Variants in AP4M1 observed in about 807,000 individuals in gnomAD.
AP4M1 encodes adaptor related protein complex 4 subunit mu 1.
Under a neutral mutation model 62.4 loss-of-function variants are expected in AP4M1, and 58 were observed. That is an observed-to-expected ratio of 0.93 (90% CI 0.75 to 1.16). AP4M1 has a LOEUF of 1.16. AP4M1 is among the 50% of genes most tolerant of loss of function. AP4M1 has a pLI of 0.00. For synonymous variants in AP4M1, 290 were observed against 239.7 expected, an observed-to-expected ratio of 1.21 and a Z score of -1.94; for missense variants, 626 against 585.4, an observed-to-expected ratio of 1.07 and a Z score of -0.72.
intron 13 of AP4M1, 50 bp downstream of exon 13, chr7:100,106,341 C>T: frequency 1.2e-5 from 20 of 1,612,866 alleles, no homozygotes; most frequent in Non-Finnish European, 1.7e-5. Flanking sequence ...AGAGTGAGCT[C>T]AGCATGACGG....
In AP4M1 at chr7:100,102,684, G is replaced by A. The variant is rs376491603; in HGVS notation, c.157G>A (p.Gly53Ser). ...CCTGCCTGTGTCTCAGCATCACCAT[G>A]GCCGTCATTTCATTCACATCAGACA... is the stretch of plus-strand genomic sequence containing the variant. ...DESPVVMHHH[G>S]RHFIHIRHSG... The change falls in exon 3 of 15, where the codon GGC becomes AGC. Residue 53 changes from glycine (G) to serine (S), a missense_variant. Transcript: ENST00000359593. 10 of 1,614,018 alleles carry A rather than the reference G, an allele frequency of 6.2e-6. No individual in the cohort carries two copies. The highest frequency in any genetic ancestry group is 1.1e-5 in the South Asian group (1 of 91,074).
rs1213373413 is a variant in AP4M1, at chr7:100,108,715, A to G, written c.*1833A>G. ...TATGCTGAACTATTAGTGTGTGTAC[A>G]GAACACTGTGGGCTTTCTCATAAGA... On this transcript the variant is annotated 3_prime_UTR_variant, in exon 15 of 15. Transcript: ENST00000359593. 4.9e-6 allele frequency: 3 copies of G among 615,326 alleles called. No homozygotes were observed. Among genetic ancestry groups the G allele is most frequent in the Non-Finnish European group, 8.2e-6 (3 of 367,158 alleles). 38.1% of individuals were successfully genotyped at this position (615,326 alleles called of 1,614,324 possible).
Position 100,101,972 on chromosome 7 carries a change from A to G in AP4M1, c.147+4A>G, listed in dbSNP as rs750933539. On this transcript the variant is annotated splice_donor_region_variant and intron_variant, in intron 2 of 14. Transcript: ENST00000359593. ...AGACGAGTCCCCGGTTGTCATGGTA[A>G]CCAGTGGCGGGAGGCGGGTGAGGAG... is the stretch of plus-strand genomic sequence containing the variant. 11 of 1,613,078 alleles carry G rather than the reference A, an allele frequency of 6.8e-6. No homozygotes were observed. In the South Asian group the frequency reaches 1.2e-4, roughly 18 times the overall value.
At position 100,107,462 on chromosome 7, in the gene AP4M1, G is replaced by A. The variant is rs1387842560; in HGVS notation, c.*580G>A. On this transcript the variant is annotated 3_prime_UTR_variant, in exon 15 of 15. Transcript: ENST00000359593. The stretch of plus-strand genomic sequence containing the variant: ...CTGTTGGGGGAAGTGAGACCACGAT[G>A]TACTTCTGGACACTCCCAGGACCAG... 1.2e-6 allele frequency: 2 copies of A among 1,613,406 alleles called. No individual in the cohort carries two copies. The highest frequency in any genetic ancestry group is 1.7e-6 in the Non-Finnish European group (2 of 1,179,528).
rs1236375940 is a variant in AP4M1, at chr7:100,108,027, T to C, written c.*1145T>C. On this transcript the variant is annotated 3_prime_UTR_variant, in exon 15 of 15. Coordinates refer to ENST00000359593, the MANE Select transcript of AP4M1 (RefSeq NM_004722.4). The stretch of plus-strand genomic sequence containing the variant: ...GCAGCCGCTCGTGCAGACACCAGTG[T>C]CTGGACAGGAAGTGCGATGGAGCCA... The C allele has an allele frequency of 6.2e-7, 1 of 1,613,796 alleles. No individual in the cohort carries two copies. The highest frequency in any genetic ancestry group is 8.5e-7 in the Non-Finnish European group (1 of 1,179,956).
In AP4M1 at chr7:100,107,250, G is replaced by A. The variant is rs774023505; in HGVS notation, c.*368G>A. ...CGGGGGCTGGCAGGTGGAGCATCACGGAGCAGGCTGAGGGGAGCCGGAGTT... is the reference window on the plus strand; with the variant it reads ...CGGGGGCTGGCAGGTGGAGCATCACAGAGCAGGCTGAGGGGAGCCGGAGTT... On this transcript the variant is annotated 3_prime_UTR_variant, in exon 15 of 15. Coordinates refer to ENST00000359593, the MANE Select transcript of AP4M1 (RefSeq NM_004722.4). The A allele has an allele frequency of 2.3e-5, 35 of 1,523,022 alleles. No individual in the cohort carries two copies. Among genetic ancestry groups the A allele is most frequent in the East Asian group, 1.4e-4 (6 of 44,242 alleles). The allele number at this position is 1,523,022 out of a possible 1,614,324, so 94.3% of individuals were successfully genotyped here. A position where few individuals can be genotyped will look rare whatever the true frequency, so the allele number is the denominator to read the frequency against.
At position 100,107,234 on chromosome 7, in the gene AP4M1, G is replaced by C; in HGVS notation, c.*352G>C. On this transcript the variant is annotated 3_prime_UTR_variant, in exon 15 of 15. Transcript: ENST00000359593. ...TGCATGTGTGGGAATCCGGGGGCTG[G>C]CAGGTGGAGCATCACGGAGCAGGCT... The C allele has an allele frequency of 6.6e-7, 1 of 1,521,184 alleles. No homozygotes were observed. The allele number at this position is 1,521,184 out of a possible 1,614,324, so 94.2% of individuals were successfully genotyped here.
At chr7:100,106,338 G>T (rs1319026514) in intron 13 of AP4M1, 47 bp downstream of exon 13, 1 of 1,613,000 alleles carries the variant, frequency 6.2e-7, no homozygotes, top group Non-Finnish European at 8.5e-7. Flanking sequence ...GAGAGAGTGA[G>T]CTCAGCATGA....
intron 4 of AP4M1, 61 bp downstream of exon 4, chr7:100,103,021 C>T (rs747014694): frequency 7.3e-5 from 90 of 1,232,234 alleles, no homozygotes; most frequent in Non-Finnish European, 9.8e-5. Context: ...TACATCTGCT[C>T]TTCTACTGTG....
chr7:100,102,561 G>A (rs1796139518), intron 2 of AP4M1, 114 bp from the exon 3 acceptor site: 2 of 865,590 alleles, frequency 2.3e-6, no homozygotes, highest in Non-Finnish European at 3.8e-6. Context: ...ATCTCCCAAA[G>A]GCACTGCTGT....
intron 8 of AP4M1, 42 bp from the exon 9 acceptor site, chr7:100,105,003 C>T: frequency 6.2e-7 from 1 of 1,614,068 alleles, no homozygotes; most frequent in Non-Finnish European, 8.5e-7. Flanking sequence ...TGTCTTAAAC[C>T]ATGGCATTGC....
At chr7:100,106,122 G>A in intron 12 of AP4M1, 119 bp downstream of exon 12, 1 of 1,545,798 alleles carries the variant, frequency 6.5e-7, no homozygotes. Flanking sequence ...TAAGGTAGAG[G>A]CTGTAGAATT....
Position 100,105,488 on chromosome 7 carries a change from C to T in AP4M1, c.878C>T (p.Pro293Leu), listed in dbSNP as rs757649099. Residue 293 changes from proline (P) to leucine (L), a missense_variant, in exon 11 of 15, where the codon CCG becomes CTG. Transcript: ENST00000359593. The stretch of plus-strand genomic sequence containing the variant: ...CAACTCTCCGATGACCTCCCCTCAC[C>T]GCTCCCCTTCCGGCTCTTCCCCTCT... ...RYQLSDDLPS[P>L]LPFRLFPSVQ... is the part of the protein sequence containing the mutation. 1.4e-5 allele frequency: 22 copies of T among 1,613,920 alleles called. No homozygotes were observed. Among genetic ancestry groups the T allele is most frequent in the South Asian group, 2.2e-5 (2 of 91,092 alleles).
chr7:100,104,811 A>G (rs1159180802), intron 7 of AP4M1, 63 bp from the exon 8 acceptor site: 2 of 1,591,814 alleles, frequency 1.3e-6, no homozygotes, highest in Admixed American at 3.3e-5. Flanking sequence ...TGGGCGACAG[A>G]GCGAGACCGT....
intron 2 of AP4M1, 101 bp downstream of exon 2, chr7:100,102,069 G>T: frequency 7.5e-7 from 1 of 1,327,516 alleles, no homozygotes; most frequent in Non-Finnish European, 1.1e-6. Context: ...CCACTTGGGG[G>T]GTGCATTCCG....
At chr7:100,102,077 C>G in intron 2 of AP4M1, 109 bp downstream of exon 2, 1 of 1,282,208 alleles carries the variant, frequency 7.8e-7, no homozygotes, top group Non-Finnish European at 1.1e-6. Context: ...GGGGTGCATT[C>G]CGCCAAATAA....
In AP4M1 at chr7:100,108,042, C is replaced by G. The variant is rs374442273; in HGVS notation, c.*1160C>G. ...GACACCAGTGTCTGGACAGGAAGTG[C>G]GATGGAGCCAGGAACCTTCAGCAAG... On this transcript the variant is annotated 3_prime_UTR_variant, in exon 15 of 15. Coordinates refer to ENST00000359593, the MANE Select transcript of AP4M1 (RefSeq NM_004722.4). The G allele has an allele frequency of 8.1e-6, 13 of 1,613,342 alleles. No homozygotes were observed. The highest frequency in any genetic ancestry group is 1.7e-5 in the Admixed American group (1 of 59,860).
intron 9 of AP4M1, 46 bp from the exon 10 acceptor site, chr7:100,105,194 C>G: frequency 1.2e-6 from 2 of 1,612,492 alleles, no homozygotes; most frequent in South Asian, 2.2e-5. Flanking sequence ...TTGCTCCTCT[C>G]CCAAAACAGG....
rs1466930066 is a variant in AP4M1, at chr7:100,101,694, T to A, written c.-21T>A. 5 of 1,611,162 alleles carry A rather than the reference T, an allele frequency of 3.1e-6. No individual in the cohort carries two copies. The highest frequency in any genetic ancestry group is 4.2e-6 in the Non-Finnish European group (5 of 1,177,658). ...GCAGGCCCGACTTTCGCCGTCTTCT[T>A]GTCTACTCTCCAGAACGGCCATGAT... On this transcript the variant is annotated 5_prime_UTR_variant, in exon 1 of 15. Transcript: ENST00000359593.
Sources: gnomAD v4.1 joint callset for allele counts on GRCh38, gnomAD v4.1.1 for gene constraint, MANE v1.5 for transcripts, NCBI Gene and HGNC (gene_info 2026-07-23, HGNC 2026-07-21) for gene names.